The following MAP3K20 variants were observed in gnomAD, a reference collection of about 807,000 sequenced individuals.
MAP3K20 encodes HCCS-4.
MAP3K20 carries 40 observed loss-of-function variants against 85.7 expected under a neutral mutation model. The ratio of observed to expected loss-of-function variants is 0.47; its 90% CI spans 0.36 to 0.61. The LOEUF is 0.61. Ranked by LOEUF, MAP3K20 falls within the 20% of genes least tolerant of loss-of-function variation. The pLI, the probability that MAP3K20 is intolerant of heterozygous loss-of-function variation, is 0.00. For missense variants in MAP3K20, 817 were observed against 961.7 expected, an observed-to-expected ratio of 0.85 and a Z score of 1.99; for synonymous variants, 325 against 327.7, an observed-to-expected ratio of 0.99 and a Z score of 0.09.
chr2:173,166,037 T>G (rs1020578678), intron 2 of MAP3K20, among the ~76,000 whole-genome samples: 1 of 152,156 alleles, frequency 6.6e-6, no homozygotes, highest in African/African-American at 2.4e-5. Context: ...TACAAAAATT[T>G]TCATCACCCC....
chr2:173,103,327 C>T lies in MAP3K20; in HGVS notation c.159+12137C>T, dbSNP rs1421461569. On this transcript the variant is annotated intron_variant, in intron 2 of 19. Transcript: ENST00000375213. ...TAGGGATTGTAGTAAGGCCAGGACACCTCTCTCAGATCAGTGAGGCTCTGT... is the reference window on the plus strand; with the variant it reads ...TAGGGATTGTAGTAAGGCCAGGACATCTCTCTCAGATCAGTGAGGCTCTGT... Among the ~76,000 whole-genome samples the T allele has an allele frequency of 6.6e-5, 10 of 152,284 alleles. No individual in the cohort carries two copies. The East Asian group carries it at 1.9e-3, about 29-fold the overall frequency.
chr2:173,142,942 A>C (rs1689019730), intron 2 of MAP3K20, among the ~76,000 whole-genome samples: 1 of 151,964 alleles, frequency 6.6e-6, no homozygotes, highest in South Asian at 2.1e-4. Context: ...CAGGAGGATC[A>C]CTTGAGCCCA....
chr2:173,202,612 A>G (rs751784682), intron 8 of MAP3K20, among the ~76,000 whole-genome samples: 9 of 152,234 alleles, frequency 5.9e-5, no homozygotes, highest in Non-Finnish European at 1.2e-4. Flanking sequence ...AAGTTAACAT[A>G]ATGCTCTAAC....
intron 2 of MAP3K20, among the ~76,000 whole-genome samples, chr2:173,141,590 T>A (rs900093231): frequency 3.3e-5 from 5 of 152,046 alleles, no homozygotes; most frequent in Non-Finnish European, 7.4e-5. Context: ...CAATCTAATA[T>A]ACATTAATGG....
chr2:173,172,834 G>A (rs576093396), intron 3 of MAP3K20, among the ~76,000 whole-genome samples: 9 of 150,500 alleles, frequency 6.0e-5, no homozygotes, highest in African/African-American at 2.0e-4. Flanking sequence ...GAGTCTTGCT[G>A]TGTCGCCAGG....
At chr2:173,195,295 A>C (rs967115651) in intron 7 of MAP3K20, among the ~76,000 whole-genome samples, 3 of 152,070 alleles carry the variant, frequency 2.0e-5, no homozygotes, top group Non-Finnish European at 2.9e-5. Flanking sequence ...GGCTTAAGAG[A>C]CAGCATGGCT....
chr2:173,159,475 G>T (rs905400925), intron 2 of MAP3K20, among the ~76,000 whole-genome samples: 30 of 150,462 alleles, frequency 2.0e-4, no homozygotes, highest in African/African-American at 7.1e-4. Context: ...CTGCAGCCTG[G>T]ACCTCCTAGG....
chr2:173,106,595 G>A (rs1347783794), intron 2 of MAP3K20, among the ~76,000 whole-genome samples: 3 of 152,190 alleles, frequency 2.0e-5, no homozygotes, highest in African/African-American at 7.2e-5. Flanking sequence ...CAAGGGTGGA[G>A]TAAACAGAGA....
At chr2:173,136,900 C>T (rs1688813956) in intron 2 of MAP3K20, among the ~76,000 whole-genome samples, 1 of 152,230 alleles carries the variant, frequency 6.6e-6, no homozygotes, top group Non-Finnish European at 1.5e-5. Context: ...ATCCATCCTG[C>T]AGTTTGCCAG....
chr2:173,134,764 C>T (rs1489183891), intron 2 of MAP3K20, among the ~76,000 whole-genome samples: 2 of 151,964 alleles, frequency 1.3e-5, no homozygotes, highest in African/African-American at 4.8e-5. Flanking sequence ...CCTTTCCATC[C>T]TTATTATGCT....
intron 17 of MAP3K20, among the ~76,000 whole-genome samples, chr2:173,259,197 A>C (rs924894791): frequency 6.6e-5 from 10 of 152,164 alleles, no homozygotes; most frequent in Non-Finnish European, 1.3e-4. Context: ...TTCTTGGTTG[A>C]GGTCAATTTC....
At chr2:173,174,404 G>A (rs761372674) in intron 3 of MAP3K20, among the ~76,000 whole-genome samples, 1 of 152,054 alleles carries the variant, frequency 6.6e-6, no homozygotes, top group East Asian at 1.9e-4. Flanking sequence ...TCCCCTCCCT[G>A]TGTCCATGTG....
rs200821510 is a variant in MAP3K20, at chr2:173,266,190, G to T, written c.1843G>T (p.Val615Leu). ...FDGQDSYAAAVRRPQVPIKYQ... is the reference protein window; with the variant it reads ...FDGQDSYAAALRRPQVPIKYQ... The stretch of plus-strand genomic sequence containing the variant: ...TGGCCAGGATTCCTACGCTGCTGCT[G>T]TGAGACGGCCCCAGGTGCCCATTAA... The change falls in exon 20 of 20, where the codon GTG becomes TTG. Residue 615 changes from valine to leucine, a missense_variant. Physicochemically the swap from Val to Leu is conservative, Grantham distance 32. Transcript: ENST00000375213. The T allele has an allele frequency of 5.6e-5, 91 of 1,614,100 alleles. No individual in the cohort carries two copies. In the African/African-American group the frequency reaches 8.1e-4, roughly 14 times the overall value.
chr2:173,080,293 G>C (rs1686978436), intron 1 of MAP3K20, among the ~76,000 whole-genome samples: 1 of 152,240 alleles, frequency 6.6e-6, no homozygotes, highest in Non-Finnish European at 1.5e-5. Flanking sequence ...TGGTAAAGAA[G>C]GATGTTTTAC....
chr2:173,075,904 G>A lies in MAP3K20; in HGVS notation c.-133G>A, dbSNP rs1686832884. On this transcript the variant is annotated 5_prime_UTR_variant, in exon 1 of 20. Coordinates refer to ENST00000375213, the MANE Select transcript of MAP3K20 (RefSeq NM_016653.3). The stretch of plus-strand genomic sequence containing the variant: ...AACTCCTAACTGCAGCGGAAACGTG[G>A]GAGCCGCGCGGGCCGCTGTCGTCCC... 5.1e-6 allele frequency: 5 copies of A among 985,082 alleles called. No homozygotes were observed. The highest frequency in any genetic ancestry group is 3.6e-6 in the Non-Finnish European group (3 of 829,888). 61.0% of individuals were successfully genotyped at this position (985,082 alleles called of 1,614,324 possible).
At chr2:173,161,923 T>C (rs1689670845) in intron 2 of MAP3K20, among the ~76,000 whole-genome samples, 1 of 152,220 alleles carries the variant, frequency 6.6e-6, no homozygotes, top group African/African-American at 2.4e-5. Context: ...AGCTTCACTT[T>C]TTCCTGACCC....
rs539486428 is a variant in MAP3K20 at position 173,150,658 on chromosome 2, C to T, written c.160-19147C>T. Among the ~76,000 whole-genome samples, 14 of 152,244 alleles carry T rather than the reference C, an allele frequency of 9.2e-5. No individual in the cohort carries two copies. In the East Asian group the frequency reaches 9.7e-4, roughly 11 times the overall value. On this transcript the variant is annotated intron_variant, in intron 2 of 19. Transcript: ENST00000375213. The stretch of plus-strand genomic sequence containing the variant: ...TCGGCTCACTGCAACCTCTGCCTCC[C>T]GGGTTCGAGCAATTCTCCTGCTTCA...
At chr2:173,088,786 A>G (rs1687209911) in intron 1 of MAP3K20, among the ~76,000 whole-genome samples, 1 of 152,214 alleles carries the variant, frequency 6.6e-6, no homozygotes, top group Admixed American at 6.5e-5. Context: ...CCTGAATTTT[A>G]TACAAATTTT....
intron 2 of MAP3K20, among the ~76,000 whole-genome samples, chr2:173,103,083 A>AAT (rs1323005440): frequency 6.6e-6 from 1 of 152,158 alleles, no homozygotes; most frequent in Non-Finnish European, 1.5e-5. Context: ...GAAAAAAAGA[A>AAT]ATATATACTC....
Sources: gnomAD v4.1 joint callset for allele counts (sites outside exome capture counted in the v4.1 genomes callset) on GRCh38, gnomAD v4.1.1 for gene constraint, MANE v1.5 for transcripts, NCBI Gene and HGNC (gene_info 2026-07-23, HGNC 2026-07-21) for gene names.